The following GLIS3 variants were observed in gnomAD, a reference collection of about 807,000 sequenced individuals.
GLIS3 encodes the protein zinc finger protein GLIS3.
GLIS3 carries 53 observed loss-of-function variants against 78.6 expected under a neutral mutation model. The ratio of observed to expected loss-of-function variants is 0.67; its 90% CI spans 0.54 to 0.85. The LOEUF (loss-of-function observed/expected upper bound fraction) is 0.85, where lower values mean the gene tolerates loss of function less well. Among genes scored for constraint, GLIS3 ranks in the 40% least tolerant of loss-of-function variants. The pLI is 0.00. For synonymous variants in GLIS3, 684 were observed against 509.9 expected, an observed-to-expected ratio of 1.34 and a Z score of -4.60; for missense variants, 1,703 against 1,231.1, an observed-to-expected ratio of 1.38 and a Z score of -5.74.
chr9:4,281,930 A>T (rs2130295508), intron 2 of GLIS3, among the ~76,000 whole-genome samples: 1 of 152,344 alleles, frequency 6.6e-6, no homozygotes, highest in South Asian at 2.1e-4. Context: ...GTGGCACTCC[A>T]GTGACCTTTA....
the GLIS3 span, among the ~76,000 whole-genome samples, chr9:4,392,887 A>G: frequency 8.2e-4 from 125 of 152,270 alleles, 1 homozygote; most frequent in African/African-American, 2.8e-3. Context: ...AAAAAAATCC[A>G]GAACTACTTC....
chr9:4,367,857 A>G, the GLIS3 span, among the ~76,000 whole-genome samples: 3 of 152,304 alleles, frequency 2.0e-5, no homozygotes, highest in African/African-American at 7.2e-5. Context: ...CTACCAATTC[A>G]TGTAATCTTC....
At chr9:4,017,878 T>C (rs1166973774) in intron 4 of GLIS3, among the ~76,000 whole-genome samples, 6 of 152,212 alleles carry the variant, frequency 3.9e-5, no homozygotes, top group Non-Finnish European at 7.3e-5. Context: ...CAGTATGTAA[T>C]TGGAATATGG....
At chr9:4,423,226 C>T in the GLIS3 span, among the ~76,000 whole-genome samples, 117 of 152,256 alleles carry the variant, frequency 7.7e-4, 1 homozygote, top group East Asian at 0.02. Flanking sequence ...TGGAGAGGAT[C>T]CACAAATATT....
intron 2 of GLIS3, among the ~76,000 whole-genome samples, chr9:4,217,463 G>A (rs1820958065): frequency 6.6e-6 from 1 of 152,190 alleles, no homozygotes. Context: ...ATTTCTAAGA[G>A]TGAAGTGCAC....
the GLIS3 span, among the ~76,000 whole-genome samples, chr9:4,474,616 A>T: frequency 2.0e-4 from 30 of 152,000 alleles, no homozygotes; most frequent in Non-Finnish European, 3.4e-4. Flanking sequence ...AAAACATATA[A>T]TATCTTCATA....
the GLIS3 span, among the ~76,000 whole-genome samples, chr9:4,478,478 G>C: frequency 1.3e-5 from 2 of 151,988 alleles, no homozygotes; most frequent in African/African-American, 4.8e-5. Context: ...CGGCCTGGTG[G>C]CGGGCGCCTA....
At chr9:4,046,046 T>G (rs1331157054) in intron 4 of GLIS3, among the ~76,000 whole-genome samples, 1 of 152,214 alleles carries the variant, frequency 6.6e-6, no homozygotes, top group Non-Finnish European at 1.5e-5. Context: ...TCACTCAGAA[T>G]TGGCCACATC....
intron 8 of GLIS3, among the ~76,000 whole-genome samples, chr9:3,858,517 C>G (rs955630862): frequency 1.3e-5 from 2 of 151,990 alleles, no homozygotes; most frequent in Non-Finnish European, 2.9e-5. Flanking sequence ...TCAACTGACT[C>G]AAGATTTTGC....
intron 9 of GLIS3, among the ~76,000 whole-genome samples, chr9:3,841,968 C>A (rs1038460854): frequency 6.6e-6 from 1 of 152,088 alleles, no homozygotes; most frequent in African/African-American, 2.4e-5. Flanking sequence ...GCTACTTGGA[C>A]CTAAAACAGA....
intron 2 of GLIS3, among the ~76,000 whole-genome samples, chr9:4,126,196 G>A (rs1169827112): frequency 6.6e-6 from 1 of 152,132 alleles, no homozygotes; most frequent in East Asian, 1.9e-4. Context: ...GAAGTGTCCA[G>A]TTATATTAAA....
At chr9:4,236,278 G>A (rs1042659642) in intron 2 of GLIS3, among the ~76,000 whole-genome samples, 5 of 151,528 alleles carry the variant, frequency 3.3e-5, no homozygotes, top group African/African-American at 7.3e-5. Flanking sequence ...AAGGTGAGAA[G>A]GAGCCTGAAT....
At chr9:3,923,029 C>T (rs1381991839) in intron 6 of GLIS3, among the ~76,000 whole-genome samples, 1 of 152,142 alleles carries the variant, frequency 6.6e-6, no homozygotes, top group African/African-American at 2.4e-5. Flanking sequence ...AGCCAAGTCT[C>T]TCATGATAGC....
At chr9:4,257,236 C>A (rs941206988) in intron 2 of GLIS3, among the ~76,000 whole-genome samples, 1 of 151,828 alleles carries the variant, frequency 6.6e-6, no homozygotes, top group East Asian at 1.9e-4. Flanking sequence ...ATAAGCCACA[C>A]AGAGAAAGAA....
the GLIS3 span, among the ~76,000 whole-genome samples, chr9:4,462,126 C>T: frequency 3.9e-5 from 6 of 152,218 alleles, no homozygotes; most frequent in East Asian, 5.8e-4. Context: ...CATTAGATTA[C>T]GTCTACTCTA....
At chr9:4,136,715 C>T (rs611698) in intron 2 of GLIS3, among the ~76,000 whole-genome samples, 115,198 of 152,112 alleles carry the variant, frequency 0.76, 43,968 homozygotes, top group African/African-American at 0.85. Context: ...AGGCACAATG[C>T]GTCCTGGAGA....
intron 6 of GLIS3, among the ~76,000 whole-genome samples, chr9:3,912,953 A>G (rs1281914701): frequency 6.6e-6 from 1 of 152,190 alleles, no homozygotes; most frequent in African/African-American, 2.4e-5. Flanking sequence ...ATGTGACCAC[A>G]CACATTCCAT....
intron 2 of GLIS3, among the ~76,000 whole-genome samples, chr9:4,192,819 A>AAG (rs1554614819): frequency 0.013 from 1,946 of 151,982 alleles, 44 homozygotes; most frequent in African/African-American, 0.044. Flanking sequence ...AAAAAAAAAA[A>AAG]AAGAAGAAGA....
chr9:4,394,376 T>C, the GLIS3 span, among the ~76,000 whole-genome samples: 2 of 151,416 alleles, frequency 1.3e-5, no homozygotes, highest in African/African-American at 4.9e-5. Flanking sequence ...AGCTCAAAGA[T>C]TACAGGAGTA....
Sources: allele counts gnomAD v4.1 joint callset (sites outside exome capture counted in the v4.1 genomes callset), GRCh38; gene constraint gnomAD v4.1.1; transcripts MANE v1.5; gene names NCBI Gene and HGNC (gene_info 2026-07-23, HGNC 2026-07-21).